FLYWCH1: variants seen among roughly 807,000 people sequenced by gnomAD.
FLYWCH1 encodes the protein FLYWCH-type zinc finger-containing protein 1.
A neutral mutation model predicts 66.4 loss-of-function variants in FLYWCH1; 75 were observed. The observed-to-expected ratio is 1.13, with a 90% CI of 0.94 to 1.37. The LOEUF is 1.37. Among genes scored for constraint, FLYWCH1 ranks in the 40% most tolerant of loss-of-function variants. The pLI, the probability that FLYWCH1 is intolerant of heterozygous loss-of-function variation, is 0.00. For synonymous variants in FLYWCH1, 595 were observed against 429.9 expected, an observed-to-expected ratio of 1.38 and a Z score of -4.75; for missense variants, 1,334 against 1,001.8, an observed-to-expected ratio of 1.33 and a Z score of -4.48.
At chr16:2,915,325 A>G (rs2070133365) in intron 2 of FLYWCH1, 1 of 152,012 alleles carries the variant, frequency 6.6e-6, no homozygotes, top group African/African-American at 2.4e-5. Flanking sequence ...TTTAGTAGAG[A>G]CAGGGTTTTA....
chr16:2,937,335 C>T lies in FLYWCH1; in HGVS notation c.1728C>T (p.Ala576=). ...CHPPDLGGLE[A]LRQREHFPNL... The stretch of plus-strand genomic sequence containing the variant: ...CACCGGACCTGGGCGGCCTGGAGGC[C>T]CTGCGGCAGCGGGAGCACTTCCCCA... Residue 576 remains alanine (A), a synonymous_variant, in exon 7 of 10, where the codon GCC becomes GCT. Coordinates refer to ENST00000253928, the MANE Select transcript of FLYWCH1 (RefSeq NM_001308068.2). 2 of 1,597,708 alleles carry T rather than the reference C, an allele frequency of 1.3e-6. No individual in the cohort carries two copies. Among genetic ancestry groups the T allele is most frequent in the Non-Finnish European group, 1.7e-6 (2 of 1,171,964 alleles).
chr16:2,938,565 C>T (rs1264970932), intron 8 of FLYWCH1, 109 bp downstream of exon 8: 3 of 906,164 alleles, frequency 3.3e-6, no homozygotes, highest in Non-Finnish European at 3.1e-6. Context: ...CTTTTGTGCA[C>T]ACACAAATTA....
chr16:2,936,372 C>T (rs781752221), intron 6 of FLYWCH1: 7 of 456,220 alleles, frequency 1.5e-5, no homozygotes, highest in Non-Finnish European at 3.1e-5. Flanking sequence ...TCCTGCCTCC[C>T]GAGCCTCCCT....
At chr16:2,928,981 G>A (rs1040143422) in intron 2 of FLYWCH1, 2 of 152,458 alleles carry the variant, frequency 1.3e-5, no homozygotes, top group Non-Finnish European at 2.9e-5. Flanking sequence ...CTCCAGGCTA[G>A]GATAGGGACT....
At chr16:2,930,162 G>A (rs961014015) in intron 3 of FLYWCH1, among the ~76,000 whole-genome samples, 152 bp downstream of exon 3, 5 of 152,124 alleles carry the variant, frequency 3.3e-5, no homozygotes, top group African/African-American at 7.2e-5. Context: ...AGGCTGGTGG[G>A]ATGATCACAG....
intron 7 of FLYWCH1, among the ~76,000 whole-genome samples, chr16:2,937,815 G>T (rs539380633): frequency 1.3e-5 from 2 of 151,838 alleles, no homozygotes; most frequent in South Asian, 4.2e-4. Context: ...TCAGCTGCCA[G>T]CTGGCTGAGG....
At chr16:2,937,803 A>T (rs932029329) in intron 7 of FLYWCH1, among the ~76,000 whole-genome samples, 2 of 139,112 alleles carry the variant, frequency 1.4e-5, no homozygotes, top group Non-Finnish European at 3.1e-5. Flanking sequence ...GCTTGTTAAA[A>T]GTCAGCTGCC....
intron 7 of FLYWCH1, among the ~76,000 whole-genome samples, chr16:2,937,779 G>A (rs2071078726): frequency 6.6e-6 from 1 of 152,134 alleles, no homozygotes; most frequent in Non-Finnish European, 1.5e-5. Context: ...AACATCATGT[G>A]ACCTTTTAGT....
chr16:2,948,356 C>G (rs550692093), intron 9 of FLYWCH1, among the ~76,000 whole-genome samples: 1 of 151,734 alleles, frequency 6.6e-6, no homozygotes, highest in Non-Finnish European at 1.5e-5. Flanking sequence ...GTCAGGAGAT[C>G]GAGACCATCC....
intron 6 of FLYWCH1, chr16:2,934,509 T>G: frequency 2.6e-6 from 1 of 390,538 alleles, no homozygotes; most frequent in Admixed American, 3.0e-5. Flanking sequence ...GTGCCTGGTG[T>G]TTTGACTTCA....
chr16:2,939,238 G>C (rs1390104706), intron 8 of FLYWCH1, among the ~76,000 whole-genome samples: 1 of 152,182 alleles, frequency 6.6e-6, no homozygotes, highest in East Asian at 1.9e-4. Context: ...CTGAGGTCAG[G>C]AGTTCGAGAC....
intron 6 of FLYWCH1, 162 bp from the exon 7 acceptor site, chr16:2,936,959 C>G: frequency 2.2e-6 from 2 of 926,718 alleles, no homozygotes; most frequent in Non-Finnish European, 3.2e-6. Context: ...AGCTGGAGCC[C>G]CAGCAGAGTT....
chr16:2,920,967 G>A (rs1196988912), intron 2 of FLYWCH1, among the ~76,000 whole-genome samples: 4 of 149,724 alleles, frequency 2.7e-5, no homozygotes, highest in Admixed American at 1.3e-4. Context: ...TCAGCCTTCC[G>A]AGTAGCTGGG....
At chr16:2,926,522 C>T (rs1375146948) in intron 2 of FLYWCH1, among the ~76,000 whole-genome samples, 1 of 152,146 alleles carries the variant, frequency 6.6e-6, no homozygotes, top group Non-Finnish European at 1.5e-5. Context: ...AAAATGTTGA[C>T]TTAAACAAGT....
chr16:2,923,652 G>A (rs1368084837), intron 2 of FLYWCH1, among the ~76,000 whole-genome samples: 1 of 152,212 alleles, frequency 6.6e-6, no homozygotes, highest in Admixed American at 6.5e-5. Context: ...GGGGGATGTG[G>A]TGTTTGTGTT....
intron 9 of FLYWCH1, among the ~76,000 whole-genome samples, chr16:2,948,168 C>G (rs1051275224): frequency 2.6e-5 from 4 of 152,168 alleles, no homozygotes; most frequent in African/African-American, 9.7e-5. Context: ...GGTTCTCCCC[C>G]AAACATGCTG....
At position 2,938,359 on chromosome 16, in the gene FLYWCH1, G is replaced by T; in HGVS notation, c.1953G>T (p.Met651Ile). 6.3e-7 allele frequency: 1 copy of T among 1,594,156 alleles called. No homozygotes were observed. The highest frequency in any genetic ancestry group is 8.6e-7 in the Non-Finnish European group (1 of 1,169,198). ...SRAITQGHRI[M>I]VMRSHCHQPD... ...CCATAACCCAGGGCCACCGCATCAT[G>T]GTCATGCGCAGCCACTGCCATCAGC... The change falls in exon 8 of 10, where the codon ATG becomes ATT. Residue 651 changes from methionine (M) to isoleucine (I), a missense_variant. Coordinates refer to ENST00000253928, the MANE Select transcript of FLYWCH1 (RefSeq NM_001308068.2).
At position 2,930,806 on chromosome 16, in the gene FLYWCH1, TGGA is replaced by T. The variant is rs750693133; in HGVS notation, c.734_736del (p.Glu245del). 1.6e-5 allele frequency: 25 copies of T among 1,600,958 alleles called. No individual in the cohort carries two copies. The highest frequency in any genetic ancestry group is 6.8e-5 in the Admixed American group (4 of 59,112). ...GGGCTGGTGCTGAGCAAGCCGGCCC[TGGA>T]GGAGGAGGAGGCACCCCGAGCCCTG... On this transcript the variant is annotated inframe_deletion, in exon 4 of 10. Coordinates refer to ENST00000253928, the MANE Select transcript of FLYWCH1 (RefSeq NM_001308068.2).
chr16:2,944,896 AAAG>A (rs1248393006), intron 9 of FLYWCH1, among the ~76,000 whole-genome samples: 3 of 152,178 alleles, frequency 2.0e-5, no homozygotes, highest in African/African-American at 7.2e-5. Context: ...GAGGTATCCA[AAAG>A]AAGGCACTGT....
Sources: allele counts gnomAD v4.1 joint callset (sites outside exome capture counted in the v4.1 genomes callset), GRCh38; gene constraint gnomAD v4.1.1; transcripts MANE v1.5; gene names NCBI Gene and HGNC (gene_info 2026-07-23, HGNC 2026-07-21).